Variants in PRR16 observed in about 807,000 individuals in gnomAD.
The protein encoded by PRR16 is protein Largen.
In PRR16, 6 loss-of-function variants were observed where a neutral mutation model predicts 18.2. That is an observed-to-expected ratio of 0.33 (90% CI 0.18 to 0.65). The LOEUF is 0.65. Among genes scored for constraint, PRR16 ranks in the 30% least tolerant of loss-of-function variants. The pLI is 0.74. For synonymous variants in PRR16, 151 were observed against 147.8 expected (o/e 1.02, Z -0.16); for missense variants, 412 against 376.6 (o/e 1.09, Z -0.78).
At chr5:120,568,568 G>A (rs926708978) in intron 1 of PRR16, among the ~76,000 whole-genome samples, 2 of 152,052 alleles carry the variant, frequency 1.3e-5, no homozygotes, top group African/African-American at 4.8e-5. Context: ...ACCTAATCAA[G>A]GGAACCCATT....
At chr5:120,644,173 G>A (rs1203754737) in intron 1 of PRR16, among the ~76,000 whole-genome samples, 5 of 152,030 alleles carry the variant, frequency 3.3e-5, no homozygotes, top group Non-Finnish European at 7.4e-5. Flanking sequence ...AGGTAAACAG[G>A]AATGACTATC....
intron 1 of PRR16, among the ~76,000 whole-genome samples, chr5:120,488,611 A>G (rs1406774018): frequency 6.6e-6 from 1 of 152,016 alleles, no homozygotes; most frequent in Non-Finnish European, 1.5e-5. Context: ...TCCTGGATTC[A>G]TTGATTTTTT....
chr5:120,681,528 T>G (rs1054164337), intron 1 of PRR16, among the ~76,000 whole-genome samples: 1 of 152,208 alleles, frequency 6.6e-6, no homozygotes, highest in African/African-American at 2.4e-5. Flanking sequence ...TGTTTTGTAA[T>G]CAATGCATAA....
chr5:120,664,575 T>C (rs112583864), intron 1 of PRR16, among the ~76,000 whole-genome samples: 4 of 151,990 alleles, frequency 2.6e-5, no homozygotes, highest in African/African-American at 9.7e-5. Context: ...TCATTTAGCA[T>C]TAGGTATATC....
intron 1 of PRR16, among the ~76,000 whole-genome samples, chr5:120,660,120 G>A (rs1390064080): frequency 6.6e-6 from 1 of 151,964 alleles, no homozygotes; most frequent in Non-Finnish European, 1.5e-5. Context: ...ACTAGAATAA[G>A]GACAGTATAA....
chr5:120,654,863 T>C (rs766284674), intron 1 of PRR16, among the ~76,000 whole-genome samples: 8 of 151,630 alleles, frequency 5.3e-5, no homozygotes. Context: ...GATAAAAACA[T>C]TGTAGGAACA....
At chr5:120,708,793 G>T in the PRR16 span, among the ~76,000 whole-genome samples, 53 of 152,030 alleles carry the variant, frequency 3.5e-4, no homozygotes, top group African/African-American at 1.2e-3. Context: ...AGTAAAAGGA[G>T]GTTCCTGAGC....
intron 1 of PRR16, among the ~76,000 whole-genome samples, chr5:120,530,730 G>A (rs6874811): frequency 4.9e-4 from 74 of 152,182 alleles, no homozygotes; most frequent in African/African-American, 1.6e-3. Flanking sequence ...GTAAGAGAAA[G>A]GGATGGTAGG....
intron 1 of PRR16, among the ~76,000 whole-genome samples, chr5:120,477,323 C>G (rs56008932): frequency 5.3e-5 from 8 of 152,058 alleles, no homozygotes; most frequent in East Asian, 1.9e-4. Context: ...GGATCTCCCC[C>G]CTCCCACAAA....
intron 1 of PRR16, among the ~76,000 whole-genome samples, chr5:120,590,362 TAGTG>T (rs1178872292): frequency 1.3e-5 from 2 of 152,122 alleles, no homozygotes; most frequent in Admixed American, 1.3e-4. Flanking sequence ...CATTAAGAAA[TAGTG>T]AGCAAATTTG....
Position 120,464,583 on chromosome 5 carries a change from A to G in PRR16, c.97A>G (p.Ile33Val), listed in dbSNP as rs1318508592. The change falls in exon 1 of 2, where the codon ATC becomes GTC. Residue 33 changes from isoleucine (I) to valine (V), a missense_variant. By Grantham distance (29) the Ile-to-Val change is conservative (BLOSUM62 3). Transcript: ENST00000407149. ...KTKVKEQIKI[I>V]VEDLELVLGD... is the part of the protein sequence containing the mutation. ...CAAGGTGAAGGAACAGATCAAGATCATCGTGGAGGATTTGGAATTAGTCCT... is the reference window on the plus strand; with the variant it reads ...CAAGGTGAAGGAACAGATCAAGATCGTCGTGGAGGATTTGGAATTAGTCCT... The G allele has an allele frequency of 6.3e-7, 1 of 1,585,442 alleles. No homozygotes were observed. Among genetic ancestry groups the G allele is most frequent in the Admixed American group, 1.7e-5 (1 of 57,946 alleles).
chr5:120,688,204 A>G (rs1042868316), downstream of PRR16, among the ~76,000 whole-genome samples: 1 of 152,204 alleles, frequency 6.6e-6, no homozygotes, highest in Admixed American at 6.5e-5. Context: ...TCCTATTAAA[A>G]ATGATTATAT....
At chr5:120,732,629 G>A in the PRR16 span, among the ~76,000 whole-genome samples, 2 of 152,236 alleles carry the variant, frequency 1.3e-5, no homozygotes, top group East Asian at 3.9e-4. Flanking sequence ...ACCCCATCTG[G>A]CAAAATTGGA....
At chr5:120,655,733 T>TG (rs55986175) in intron 1 of PRR16, among the ~76,000 whole-genome samples, 79,977 of 148,164 alleles carry the variant, frequency 0.54, 22,140 homozygotes, top group East Asian at 0.92. Flanking sequence ...GACTTTTTTT[T>TG]TTTGTTTTTT....
chr5:120,730,029 C>G, the PRR16 span, among the ~76,000 whole-genome samples: 1 of 152,128 alleles, frequency 6.6e-6, no homozygotes, highest in Non-Finnish European at 1.5e-5. Flanking sequence ...TTTCTCTCCC[C>G]TAATCCCAGT....
intron 1 of PRR16, among the ~76,000 whole-genome samples, chr5:120,611,040 C>T (rs1358683791): frequency 6.6e-6 from 1 of 152,110 alleles, no homozygotes; most frequent in Non-Finnish European, 1.5e-5. Context: ...TTGCTGAGAA[C>T]TGGAATAAAG....
chr5:120,553,721 T>A (rs1425506987), intron 1 of PRR16, among the ~76,000 whole-genome samples: 1 of 151,916 alleles, frequency 6.6e-6, no homozygotes, highest in African/African-American at 2.4e-5. Flanking sequence ...TCTGATTGTG[T>A]GTTGAATTTT....
chr5:120,526,992 A>G (rs186364836), intron 1 of PRR16, among the ~76,000 whole-genome samples: 65 of 152,224 alleles, frequency 4.3e-4, no homozygotes, highest in African/African-American at 1.5e-3. Context: ...CTGAAGCTTT[A>G]TGCCCCGTGA....
chr5:120,712,189 C>G, the PRR16 span, among the ~76,000 whole-genome samples: 1 of 152,050 alleles, frequency 6.6e-6, no homozygotes, highest in Non-Finnish European at 1.5e-5. Context: ...TATCCATCAC[C>G]TTCTATAGTT....
Sources: allele counts gnomAD v4.1 joint callset (sites outside exome capture counted in the v4.1 genomes callset), GRCh38; gene constraint gnomAD v4.1.1; transcripts MANE v1.5; gene names NCBI Gene and HGNC (gene_info 2026-07-23, HGNC 2026-07-21).